The following DST variants were observed in gnomAD, a reference collection of about 807,000 sequenced individuals.
The protein encoded by DST is bullous pemphigoid antigen.
A neutral mutation model predicts 875.2 loss-of-function variants in DST; 253 were observed. That is an observed-to-expected ratio of 0.29 (90% CI 0.26 to 0.32). The LOEUF (loss-of-function observed/expected upper bound fraction) is 0.32, where lower values mean the gene tolerates loss of function less well. DST is among the 10% of genes least tolerant of loss of function. DST has a pLI of 1.00. For missense variants in DST, 8,287 were observed against 9,111.6 expected, an observed-to-expected ratio of 0.91 and a Z score of 3.68; for synonymous variants, 3,124 against 3,197.1, an observed-to-expected ratio of 0.98 and a Z score of 0.77.
At position 56,602,928 on chromosome 6, in the gene DST, T is replaced by C. The variant is rs772016470; in HGVS notation, c.11261A>G (p.Asn3754Ser). Residue 3754 changes from asparagine to serine, a missense_variant, in exon 43 of 104, where the codon AAT (asparagine) becomes AGT (serine). Transcript: ENST00000680361. ...SKSVKDIEIV[N>S]VQDSEYVKKR... ...CTTTACATACTCAGAATCTTGAACATTCACAATCTCAATATCCTTCACAGA... is the reference window on the plus strand; with the variant it reads ...CTTTACATACTCAGAATCTTGAACACTCACAATCTCAATATCCTTCACAGA... 2 of 1,580,702 alleles carry C rather than the reference T, an allele frequency of 1.3e-6. No homozygotes were observed. Among genetic ancestry groups the C allele is most frequent in the South Asian group, 2.4e-5 (2 of 83,914 alleles).
intron 88 of DST, chr6:56,484,643 A>C (rs1036127622): frequency 2.0e-5 from 3 of 152,214 alleles, no homozygotes; most frequent in African/African-American, 7.2e-5. Context: ...TTCCAAGGCT[A>C]AGTTGCTTTA....
At chr6:56,949,766 A>G (rs1470352775) in intron 2 of DST, among the ~76,000 whole-genome samples, 1 of 152,226 alleles carries the variant, frequency 6.6e-6, no homozygotes, top group Non-Finnish European at 1.5e-5. Flanking sequence ...CCTAATTATA[A>G]AGGATTTCTC....
rs1347984089 is a variant in DST at position 56,604,830 on chromosome 6, T to C, written c.9798A>G (p.Glu3266=). 1.2e-6 allele frequency: 2 copies of C among 1,612,890 alleles called. No individual in the cohort carries two copies. The highest frequency in any genetic ancestry group is 2.2e-5 in the South Asian group (2 of 91,050). ...ATATTGAAAGTGTGGCTTCAATACT[T>C]TCTGGTGTGAACTGAGAAATTTCTG... The part of the protein sequence containing the change: ...GGTEISQFTP[E]SIEATLSILS... Residue 3266 remains glutamate (E), a synonymous_variant, in exon 40 of 104, where the codon GAA becomes GAG. Transcript: ENST00000680361.
Position 56,912,141 on chromosome 6 carries a change from G to A in DST, c.217-11520C>T, listed in dbSNP as rs576100618. On this transcript the variant is annotated intron_variant, in intron 2 of 103. Transcript: ENST00000680361. The stretch of plus-strand genomic sequence containing the variant: ...GTATCCTTTGCCCCAACAAATTCTG[G>A]GAGAGCAGGCTGTTTCCAGTGCAGC... 5.9e-5 allele frequency among the ~76,000 whole-genome samples: 9 copies of A among 152,186 alleles called. No homozygotes were observed. The South Asian group carries it at 1.9e-3, about 32-fold the overall frequency.
chr6:56,907,760 A>C (rs541706061), intron 2 of DST, among the ~76,000 whole-genome samples: 63 of 152,346 alleles, frequency 4.1e-4, no homozygotes, highest in South Asian at 1.0e-3. Context: ...TTGGAAAAAA[A>C]AATAACATTT....
At chr6:56,903,134 TTGA>T (rs1794896634) in intron 2 of DST, among the ~76,000 whole-genome samples, 1 of 152,120 alleles carries the variant, frequency 6.6e-6, no homozygotes, top group Admixed American at 6.5e-5. Context: ...AACAAAATAT[TTGA>T]TGATATAGTA....
Position 56,571,847 on chromosome 6 carries a change from G to A in DST, c.13721+253C>T, listed in dbSNP as rs10456736. Among the ~76,000 whole-genome samples, 56,520 of 151,862 alleles carry A rather than the reference G, an allele frequency of 0.37. 10,808 individuals are homozygous for A. Among genetic ancestry groups the A allele is most frequent in the Admixed American group, 0.42 (6,414 of 15,256 alleles). On this transcript the variant is annotated intron_variant, in intron 53 of 103. Coordinates refer to ENST00000680361, the MANE Select transcript of DST (RefSeq NM_001374736.1). ...AGATCATTTTCAGTAATATACCACCGCCATCGTTTTTCTTATGCAACATTT... is the reference window on the plus strand; with the variant it reads ...AGATCATTTTCAGTAATATACCACCACCATCGTTTTTCTTATGCAACATTT...
intron 2 of DST, among the ~76,000 whole-genome samples, chr6:56,948,567 T>C (rs1820809812): frequency 1.3e-5 from 2 of 152,188 alleles, no homozygotes; most frequent in Admixed American, 1.3e-4. Context: ...TTCTGTAATT[T>C]TCCACTCAAT....
rs1562695910 is a variant in DST, at chr6:56,546,382, AT to A, written c.16608+5801del. Among the ~76,000 whole-genome samples, 44 of 133,650 alleles carry A rather than the reference AT, an allele frequency of 3.3e-4. No homozygotes were observed. The East Asian group carries it at 4.4e-3, about 13-fold the overall frequency. The allele number at this position is 133,650 out of a possible 152,430, so 87.7% of individuals were successfully genotyped here. A position where few individuals can be genotyped will look rare whatever the true frequency, so the allele number is the denominator to read the frequency against. On this transcript the variant is annotated intron_variant, in intron 61 of 103. Coordinates refer to ENST00000680361, the MANE Select transcript of DST (RefSeq NM_001374736.1). ...TATATATATATATATATATATATAT[AT>A]ATATATAAATGTCAAAAAGTTCATT... is the stretch of plus-strand genomic sequence containing the variant.
chr6:56,476,262 A>G lies in DST; in HGVS notation c.21751T>C (p.Leu7251=), dbSNP rs757509558. Reference sequence around the variant, plus strand: ...TGCAACCAAGCCAGCAAAGCTTCCAACAATTCCTGTTTGGCAATAAGCCCA... The same window carrying G: ...TGCAACCAAGCCAGCAAAGCTTCCAGCAATTCCTGTTTGGCAATAAGCCCA... ...LAGLIAKQEL[L]EALLAWLQWA... is the part of the protein sequence containing the mutation. Residue 7251 remains leucine, a synonymous_variant, in exon 92 of 104, where the codon TTG becomes CTG. Transcript: ENST00000680361. 5.6e-6 allele frequency: 9 copies of G among 1,610,230 alleles called. No homozygotes were observed. Among genetic ancestry groups the G allele is most frequent in the South Asian group, 3.3e-5 (3 of 90,190 alleles).
intron 36 of DST, chr6:56,618,287 T>C: frequency 6.2e-7 from 1 of 1,613,942 alleles, no homozygotes; most frequent in Non-Finnish European, 8.5e-7. Context: ...CTGTGGTTCT[T>C]GAGTCCATCT....
intron 4 of DST, among the ~76,000 whole-genome samples, chr6:56,762,455 C>G (rs1240133449): frequency 1.3e-5 from 2 of 152,200 alleles, no homozygotes; most frequent in Non-Finnish European, 2.9e-5. Context: ...CAGAGTCCAG[C>G]CCCAGTGTTG....
Position 56,604,260 on chromosome 6 carries a change from T to C in DST, c.10368A>G (p.Gln3456=), listed in dbSNP as rs2098473809. 2.5e-6 allele frequency: 4 copies of C among 1,611,530 alleles called. No individual in the cohort carries two copies. In the South Asian group the frequency reaches 3.3e-5, roughly 13 times the overall value. ...LNILKQDQHS[Q]KITGVFELMR... is the part of the protein sequence containing the mutation. ...TCAATTCAAATACTCCTGTAATTTT[T>C]TGGCTATGTTGATCTTGCTTCAATA... The change falls in exon 40 of 104, where the codon CAA becomes CAG. Residue 3456 remains glutamine (Q), a synonymous_variant. Transcript: ENST00000680361.
At chr6:56,778,482 A>C (rs2099684397) in intron 4 of DST, among the ~76,000 whole-genome samples, 1 of 150,552 alleles carries the variant, frequency 6.6e-6, no homozygotes, top group African/African-American at 2.5e-5. Context: ...TGCTGCACCC[A>C]GTAACTCATC....
chr6:56,576,119 C>T (rs1407716428), intron 50 of DST, among the ~76,000 whole-genome samples: 1 of 152,136 alleles, frequency 6.6e-6, no homozygotes, highest in Non-Finnish European at 1.5e-5. Flanking sequence ...GCCATAAAAA[C>T]CCAATAGGAT....
At chr6:56,533,746 T>C (rs922996261) in intron 63 of DST, among the ~76,000 whole-genome samples, 19 of 152,194 alleles carry the variant, frequency 1.2e-4, no homozygotes, top group Non-Finnish European at 5.9e-5. Flanking sequence ...ATCGCACAAA[T>C]GCAATGTGTT....
chr6:56,646,125 C>T lies in DST; in HGVS notation c.1612G>A (p.Glu538Lys). ...KETEIPPKET[E>K]KSKIKRLYKL... The stretch of plus-strand genomic sequence containing the variant: ...TATAGACGTTTAATTTTTGATTTTT[C>T]TGTCTCCTTTGGTGGAATTTCTGTT... The change falls in exon 14 of 104, where the codon GAA becomes AAA. Residue 538 changes from glutamate (E) to lysine (K), a missense_variant. Glu to Lys is a moderately conservative substitution (Grantham distance 56). This residue lies in a region of DST where 1,160 missense variants were observed against 1,424.3 expected (regional missense o/e 0.81). Coordinates refer to ENST00000680361, the MANE Select transcript of DST (RefSeq NM_001374736.1). 6.5e-7 allele frequency: 1 copy of T among 1,542,966 alleles called. No homozygotes were observed.
chr6:56,732,290 C>T (rs1368025320), intron 5 of DST, among the ~76,000 whole-genome samples: 1 of 152,088 alleles, frequency 6.6e-6, no homozygotes, highest in African/African-American at 2.4e-5. Flanking sequence ...TTGGCCTAAA[C>T]AGCCATTTGG....
chr6:56,854,309 G>T (rs951195535), intron 3 of DST, among the ~76,000 whole-genome samples: 1 of 151,764 alleles, frequency 6.6e-6, no homozygotes, highest in African/African-American at 2.4e-5. Context: ...TTTGATGTGG[G>T]GCTTAGAAAG....
Sources: gnomAD v4.1 joint callset for allele counts (sites outside exome capture counted in the v4.1 genomes callset) on GRCh38, gnomAD v4.1.1 for gene constraint, gnomAD v4.1.1 regional missense constraint, MANE v1.5 for transcripts, NCBI Gene and HGNC (gene_info 2026-07-23, HGNC 2026-07-21) for gene names.